CFAP299: variants seen among roughly 807,000 people sequenced by gnomAD.
CFAP299 encodes cilia and flagella associated protein 299, also known as cilia- and flagella-associated protein 299.
A neutral mutation model predicts 27.0 loss-of-function variants in CFAP299; 21 were observed. The ratio of observed to expected loss-of-function variants is 0.78; its 90% CI spans 0.55 to 1.12. The LOEUF is 1.12. CFAP299 is among the 50% of genes most tolerant of loss of function. CFAP299 has a pLI of 0.00. For missense variants in CFAP299, 310 were observed against 276.6 expected (o/e 1.12, Z -0.86); for synonymous variants, 104 against 98.1 (o/e 1.06, Z -0.36).
At chr4:80,963,430 A>C (rs928921524) in intron 5 of CFAP299, 87 bp from the exon 6 acceptor site, 32 of 759,812 alleles carry the variant, frequency 4.2e-5, no homozygotes, top group Admixed American at 9.8e-5. Flanking sequence ...TTTTTCTGCA[A>C]TATAAAGCAA....
intron 3 of CFAP299, among the ~76,000 whole-genome samples, chr4:80,861,180 C>T (rs1021992480): frequency 6.6e-6 from 1 of 152,180 alleles, no homozygotes; most frequent in Non-Finnish European, 1.5e-5. Context: ...TGCTAGCAAT[C>T]AGCGAGACTC....
chr4:80,734,819 CTA>C (rs944772372), intron 3 of CFAP299, among the ~76,000 whole-genome samples: 3 of 152,006 alleles, frequency 2.0e-5, no homozygotes, highest in Non-Finnish European at 4.4e-5. Flanking sequence ...GTCCATTGGT[CTA>C]TGTGTCTGTG....
intron 2 of CFAP299, among the ~76,000 whole-genome samples, chr4:80,546,080 AT>A (rs762838758): frequency 2.0e-5 from 3 of 152,320 alleles, no homozygotes; most frequent in Non-Finnish European, 4.4e-5. Context: ...ACAATTAGTC[AT>A]TGAAGGAACA....
intron 2 of CFAP299, among the ~76,000 whole-genome samples, chr4:80,377,560 T>A (rs1285402136): frequency 6.6e-6 from 1 of 152,104 alleles, no homozygotes; most frequent in Non-Finnish European, 1.5e-5. Flanking sequence ...TTTTTTTAAT[T>A]GCTTAAAATT....
chr4:80,755,272 C>T (rs1348198255), intron 3 of CFAP299, among the ~76,000 whole-genome samples: 1 of 151,624 alleles, frequency 6.6e-6, no homozygotes, highest in Non-Finnish European at 1.5e-5. Flanking sequence ...AAAATTGGCT[C>T]CTATAGAGTC....
chr4:80,338,712 A>T (rs979559607), intron 1 of CFAP299, among the ~76,000 whole-genome samples: 1 of 152,200 alleles, frequency 6.6e-6, no homozygotes, highest in Admixed American at 6.5e-5. Flanking sequence ...CTAAGAGTTT[A>T]AGTAAGAATC....
At chr4:80,723,972 C>A (rs533022014) in intron 3 of CFAP299, among the ~76,000 whole-genome samples, 1 of 151,766 alleles carries the variant, frequency 6.6e-6, no homozygotes, top group South Asian at 2.1e-4. Flanking sequence ...AGATAAGAAA[C>A]AATAAGGGGA....
intron 2 of CFAP299, among the ~76,000 whole-genome samples, chr4:80,525,170 A>G (rs1359265259): frequency 1.3e-5 from 2 of 152,132 alleles, no homozygotes; most frequent in Non-Finnish European, 2.9e-5. Context: ...ACATAATGTC[A>G]TGAAGGGCGT....
At chr4:80,456,786 A>G (rs763506451) in intron 2 of CFAP299, among the ~76,000 whole-genome samples, 5 of 152,136 alleles carry the variant, frequency 3.3e-5, no homozygotes, top group Admixed American at 6.6e-5. Context: ...CATGCATGTA[A>G]TCATGTAAAT....
intron 2 of CFAP299, among the ~76,000 whole-genome samples, chr4:80,553,337 T>C (rs1734620674): frequency 1.3e-5 from 2 of 152,336 alleles, no homozygotes; most frequent in Admixed American, 1.3e-4. Flanking sequence ...TTCTGTTTTA[T>C]GGATGCATAA....
At chr4:80,561,297 A>G (rs1226363180) in intron 2 of CFAP299, among the ~76,000 whole-genome samples, 1 of 152,188 alleles carries the variant, frequency 6.6e-6, no homozygotes, top group East Asian at 1.9e-4. Context: ...CTTAGATCAC[A>G]ACACTCAAGT....
At chr4:80,413,344 A>G (rs1365956270) in intron 2 of CFAP299, among the ~76,000 whole-genome samples, 1 of 152,224 alleles carries the variant, frequency 6.6e-6, no homozygotes, top group East Asian at 1.9e-4. Flanking sequence ...GTGAGAGAAG[A>G]TAACAAGACT....
intron 3 of CFAP299, among the ~76,000 whole-genome samples, chr4:80,771,934 C>A (rs951221528): frequency 6.6e-6 from 1 of 152,044 alleles, no homozygotes; most frequent in Admixed American, 6.6e-5. Flanking sequence ...GATGACAGAC[C>A]CAGCCTAGAA....
intron 2 of CFAP299, among the ~76,000 whole-genome samples, chr4:80,529,684 T>A (rs1015856754): frequency 6.6e-6 from 1 of 152,160 alleles, no homozygotes; most frequent in African/African-American, 2.4e-5. Flanking sequence ...TCTATGTACA[T>A]AGGAAGAAGC....
At chr4:80,373,525 T>TTCAACC (rs1724257196) in intron 2 of CFAP299, among the ~76,000 whole-genome samples, 2 of 152,150 alleles carry the variant, frequency 1.3e-5, no homozygotes, top group Admixed American at 1.3e-4. Flanking sequence ...AATGGCTGCC[T>TTCAACC]TCAACCTCAA....
chr4:80,594,359 G>A (rs966384570), intron 3 of CFAP299, among the ~76,000 whole-genome samples: 10 of 152,038 alleles, frequency 6.6e-5, no homozygotes, highest in Admixed American at 3.3e-4. Flanking sequence ...GAACAGAATG[G>A]GGGAAACTGC....
chr4:80,387,536 A>G, intron 2 of CFAP299: 1 of 889,788 alleles, frequency 1.1e-6, no homozygotes, highest in South Asian at 1.5e-5. Context: ...GGCTGGCCCA[A>G]CCCTGTGTTT....
At chr4:80,388,299 G>C in intron 2 of CFAP299, 1 of 693,632 alleles carries the variant, frequency 1.4e-6, no homozygotes, top group Admixed American at 1.9e-5. Context: ...GCAGACATGA[G>C]CAAGTCATTG....
chr4:80,897,747 A>G (rs889402813), intron 4 of CFAP299, among the ~76,000 whole-genome samples: 1 of 152,174 alleles, frequency 6.6e-6, no homozygotes, highest in Non-Finnish European at 1.5e-5. Flanking sequence ...TTTTCTGTAT[A>G]ATCTATTTGA....
Sources: allele counts gnomAD v4.1 joint callset (sites outside exome capture counted in the v4.1 genomes callset), GRCh38; gene constraint gnomAD v4.1.1; transcripts MANE v1.5; gene names NCBI Gene and HGNC (gene_info 2026-07-23, HGNC 2026-07-21).